Variants in RNF169 observed in about 807,000 individuals in gnomAD.
RNF169 encodes the protein ring finger protein 169.
RNF169 carries 24 observed loss-of-function variants against 53.9 expected under a neutral mutation model. The observed-to-expected ratio is 0.45, with a 90% CI of 0.32 to 0.63. The LOEUF (loss-of-function observed/expected upper bound fraction) is 0.63. Among genes scored for constraint, RNF169 ranks in the 20% least tolerant of loss-of-function variants. RNF169 has a pLI of 0.04. For missense variants in RNF169, 883 were observed against 906.2 expected (o/e 0.97, Z 0.33); for synonymous variants, 396 against 363.5 (o/e 1.09, Z -1.02).
At chr11:74,792,648 G>C (rs1454783312) in intron 2 of RNF169, among the ~76,000 whole-genome samples, 2 of 152,130 alleles carry the variant, frequency 1.3e-5, no homozygotes. Flanking sequence ...TGATTCACCT[G>C]CCTCTGCCTC....
In RNF169 at chr11:74,840,774, C is replaced by T. The variant is rs2036401214; in HGVS notation, c.*4044C>T. 2 of 147,646 alleles carry T rather than the reference C, an allele frequency of 1.4e-5. No individual in the cohort carries two copies. Among genetic ancestry groups the T allele is most frequent in the South Asian group, 2.2e-4 (1 of 4,630 alleles). 9.1% of individuals were successfully genotyped at this position (147,646 alleles called of 1,614,324 possible). A position where few individuals can be genotyped will look rare whatever the true frequency, so the allele number is the denominator to read the frequency against. Reference sequence around the variant, plus strand: ...TCATCCAAGTTAAACTTCTTCTCTGCCCCCCGCCCCCACTTTTTTTTTTTT... The same window carrying T: ...TCATCCAAGTTAAACTTCTTCTCTGTCCCCCGCCCCCACTTTTTTTTTTTT... On this transcript the variant is annotated 3_prime_UTR_variant, in exon 6 of 6. Coordinates refer to ENST00000299563, the MANE Select transcript of RNF169 (RefSeq NM_001098638.2).
At chr11:74,775,288 G>T (rs1266190784) in intron 1 of RNF169, among the ~76,000 whole-genome samples, 1 of 152,090 alleles carries the variant, frequency 6.6e-6, no homozygotes, top group African/African-American at 2.4e-5. Flanking sequence ...CATTAATAGG[G>T]ATGTTTCTCC....
chr11:74,797,483 C>T (rs187453804), intron 2 of RNF169, among the ~76,000 whole-genome samples: 70 of 152,144 alleles, frequency 4.6e-4, no homozygotes, highest in African/African-American at 1.3e-3. Context: ...TTTTCTTATT[C>T]GATTATAAAT....
rs1591380249 is a variant in RNF169, at chr11:74,749,112, G to A, written c.232G>A (p.Ala78Thr). The change falls in exon 1 of 6, where the codon GCA becomes ACA. Residue 78 changes from alanine to threonine, a missense_variant. By Grantham distance (58) the Ala-to-Thr change is moderately conservative (BLOSUM62 0). Transcript: ENST00000299563. ...CAGCLEPPGE[A>T]AALPCGHSLC... ...CGGGTGCCTGGAGCCCCCCGGAGAAGCAGCGGCCCTGCCGTGCGGCCACTC... is the reference window on the plus strand; with the variant it reads ...CGGGTGCCTGGAGCCCCCCGGAGAAACAGCGGCCCTGCCGTGCGGCCACTC... 1.8e-5 allele frequency: 25 copies of A among 1,410,466 alleles called. No individual in the cohort carries two copies. The highest frequency in any genetic ancestry group is 2.2e-5 in the Non-Finnish European group (24 of 1,080,046). The allele number at this position is 1,410,466 out of a possible 1,614,324, so 87.4% of individuals were successfully genotyped here.
chr11:74,800,956 A>G (rs962285716), intron 2 of RNF169, among the ~76,000 whole-genome samples: 15 of 152,226 alleles, frequency 9.9e-5, no homozygotes, highest in African/African-American at 1.7e-4. Context: ...TTATATGCCT[A>G]TCTACAAAAT....
chr11:74,769,645 A>G (rs1246470908), intron 1 of RNF169, among the ~76,000 whole-genome samples: 2 of 152,256 alleles, frequency 1.3e-5, no homozygotes, highest in Non-Finnish European at 2.9e-5. Flanking sequence ...ATATATCAAC[A>G]TGGATAAATC....
rs772075431 is a variant in RNF169, at chr11:74,836,101, G to A, written c.1498G>A (p.Asp500Asn). 8 of 1,614,150 alleles carry A rather than the reference G, an allele frequency of 5.0e-6. No individual in the cohort carries two copies. The East Asian group carries it at 1.3e-4, about 27-fold the overall frequency. ...LSEYTGPTSADLDHFPSVSQT... is the reference protein window; with the variant it reads ...LSEYTGPTSANLDHFPSVSQT... ...TGAGTATACTGGACCCACCTCTGCT[G>A]ATCTTGATCATTTCCCCTCTGTTAG... Residue 500 changes from aspartate to asparagine, a missense_variant, in exon 6 of 6, where the codon GAT (aspartate) becomes AAT (asparagine). Coordinates refer to ENST00000299563, the MANE Select transcript of RNF169 (RefSeq NM_001098638.2).
intron 3 of RNF169, among the ~76,000 whole-genome samples, chr11:74,816,560 T>C (rs2035944211): frequency 6.6e-6 from 1 of 152,150 alleles, no homozygotes; most frequent in Non-Finnish European, 1.5e-5. Flanking sequence ...ATAAACAAGA[T>C]GGAAAAACTA....
At chr11:74,787,015 A>C (rs2035513134) in intron 1 of RNF169, among the ~76,000 whole-genome samples, 1 of 152,224 alleles carries the variant, frequency 6.6e-6, no homozygotes, top group South Asian at 2.1e-4. Context: ...TATAAGCCTG[A>C]ATAAGATTAT....
chr11:74,841,473 G>A lies in RNF169; in HGVS notation c.*4743G>A, dbSNP rs2036534690. On this transcript the variant is annotated 3_prime_UTR_variant, in exon 6 of 6. Transcript: ENST00000299563. The stretch of plus-strand genomic sequence containing the variant: ...ACCAGTTTAGAGATCAGTCAAATTG[G>A]AAAAAGTGCCAAGACTGGATGTGCA... The A allele has an allele frequency of 6.6e-6, 1 of 152,116 alleles. No homozygotes were observed. Among genetic ancestry groups the A allele is most frequent in the East Asian group, 1.9e-4 (1 of 5,202 alleles). The allele number at this position is 152,116 out of a possible 1,614,324, so 9.4% of individuals were successfully genotyped here. A position where few individuals can be genotyped will look rare whatever the true frequency, so the allele number is the denominator to read the frequency against.
At position 74,779,133 on chromosome 11, in the gene RNF169, A is replaced by C. The variant is rs969132339; in HGVS notation, c.503-10493A>C. Among the ~76,000 whole-genome samples, 5 of 152,314 alleles carry C rather than the reference A, an allele frequency of 3.3e-5. 1 individual carries two copies. The highest frequency in any genetic ancestry group is 2.0e-4 in the Admixed American group (3 of 15,298). ...GCAGTTGTTAACAATGTTGCAATGA[A>C]AATATTTTTATGTAAAAGTTTTGCG... On this transcript the variant is annotated intron_variant, in intron 1 of 5. Coordinates refer to ENST00000299563, the MANE Select transcript of RNF169 (RefSeq NM_001098638.2).
At chr11:74,803,351 T>G (rs1417364867) in intron 2 of RNF169, among the ~76,000 whole-genome samples, 2 of 152,142 alleles carry the variant, frequency 1.3e-5, no homozygotes, top group Non-Finnish European at 2.9e-5. Flanking sequence ...TCCCAAAGTG[T>G]TGGGATACAG....
At chr11:74,765,820 CA>C (rs1351864656) in intron 1 of RNF169, among the ~76,000 whole-genome samples, 1 of 141,420 alleles carries the variant, frequency 7.1e-6, no homozygotes, top group Non-Finnish European at 1.5e-5. Flanking sequence ...AAAAAAAAAA[CA>C]AAAACAAAAA....
Position 74,841,055 on chromosome 11 carries a change from G to A in RNF169, c.*4325G>A, listed in dbSNP as rs888122846. On this transcript the variant is annotated 3_prime_UTR_variant, in exon 6 of 6. Coordinates refer to ENST00000299563, the MANE Select transcript of RNF169 (RefSeq NM_001098638.2). ...GAGAAAGTCTCCATAGTATAAGTAA[G>A]TAATATGAATGTGGAATCTTGGAAA... is the stretch of plus-strand genomic sequence containing the variant. The A allele has an allele frequency of 6.6e-6, 1 of 152,014 alleles. No individual in the cohort carries two copies. Among genetic ancestry groups the A allele is most frequent in the African/African-American group, 2.4e-5 (1 of 41,378 alleles). 9.4% of individuals were successfully genotyped at this position (152,014 alleles called of 1,614,324 possible). A position where few individuals can be genotyped will look rare whatever the true frequency, so the allele number is the denominator to read the frequency against.
chr11:74,791,057 C>T (rs558164907), intron 2 of RNF169, among the ~76,000 whole-genome samples: 47 of 152,300 alleles, frequency 3.1e-4, no homozygotes, highest in African/African-American at 1.1e-3. Flanking sequence ...GTGAGTACAG[C>T]GAAGAGAAGC....
intron 4 of RNF169, among the ~76,000 whole-genome samples, chr11:74,829,090 A>G (rs1323134758): frequency 6.6e-6 from 1 of 152,216 alleles, no homozygotes; most frequent in Non-Finnish European, 1.5e-5. Context: ...TTTGCAATCT[A>G]TCCATCTGAC....
At chr11:74,787,900 G>A (rs1403634982) in intron 1 of RNF169, among the ~76,000 whole-genome samples, 2 of 152,034 alleles carry the variant, frequency 1.3e-5, no homozygotes, top group African/African-American at 4.8e-5. Context: ...TCACCTTGTT[G>A]CCTGTATTTA....
At chr11:74,764,857 G>A (rs1416015353) in intron 1 of RNF169, among the ~76,000 whole-genome samples, 4 of 152,186 alleles carry the variant, frequency 2.6e-5, no homozygotes, top group South Asian at 2.1e-4. Context: ...TATACGTAAC[G>A]TAGTTCAATA....
At chr11:74,787,683 C>G (rs1371254163) in intron 1 of RNF169, among the ~76,000 whole-genome samples, 3 of 152,088 alleles carry the variant, frequency 2.0e-5, no homozygotes, top group Non-Finnish European at 4.4e-5. Flanking sequence ...AAATGGCACT[C>G]CCATGCATTG....
Sources: gnomAD v4.1 joint callset for allele counts (sites outside exome capture counted in the v4.1 genomes callset) on GRCh38, gnomAD v4.1.1 for gene constraint, MANE v1.5 for transcripts, NCBI Gene and HGNC (gene_info 2026-07-23, HGNC 2026-07-21) for gene names.